CHN2: variants seen among roughly 807,000 people sequenced by gnomAD.
The protein encoded by CHN2 is beta-chimaerin.
In CHN2, 35 loss-of-function variants were observed where a neutral mutation model predicts 56.3. That is an observed-to-expected ratio of 0.62 (90% confidence interval 0.47 to 0.82). The LOEUF (loss-of-function observed/expected upper bound fraction) is 0.82. CHN2 is among the 40% of genes least tolerant of loss of function. The pLI is 0.00. For missense variants in CHN2, 491 were observed against 580.5 expected (o/e 0.85, Z 1.58); for synonymous variants, 210 against 212.8 (o/e 0.99, Z 0.12).
chr7:29,201,919 A>C (rs549083900), intron 1 of CHN2, among the ~76,000 whole-genome samples: 2 of 152,116 alleles, frequency 1.3e-5, no homozygotes, highest in African/African-American at 4.8e-5. Context: ...TTTCTTTATG[A>C]CCCCGAGGGA....
intron 6 of CHN2, among the ~76,000 whole-genome samples, chr7:29,472,277 A>ACACACACACACACACACACGCG (rs1786132467): frequency 7.3e-6 from 1 of 136,528 alleles, no homozygotes; most frequent in Non-Finnish European, 1.5e-5. Flanking sequence ...CAAAATACAC[A>ACACACACACACACACACACGCG]CACACACACA....
intron 6 of CHN2, among the ~76,000 whole-genome samples, chr7:29,472,861 G>C (rs913081268): frequency 6.6e-6 from 1 of 152,226 alleles, no homozygotes; most frequent in Non-Finnish European, 1.5e-5. Context: ...TTGTGTCAGT[G>C]GGCTGTGGGC....
Position 29,252,817 on chromosome 7 carries a change from A to G in CHN2, c.49+57827A>G, listed in dbSNP as rs1043929724. 2.1e-4 allele frequency among the ~76,000 whole-genome samples: 24 copies of G among 115,760 alleles called. 3 individuals carry two copies. The highest frequency in any genetic ancestry group is 1.2e-3 in the African/African-American group (19 of 15,634). The allele number at this position is 115,760 out of a possible 152,430, so 75.9% of individuals were successfully genotyped here. On this transcript the variant is annotated intron_variant, in intron 1 of 12. Coordinates refer to ENST00000222792, the MANE Select transcript of CHN2 (RefSeq NM_004067.4). Reference sequence around the variant, plus strand: ...TCACCTTGTTAGCCAGGATGGTCTCAATCTCCTGACCTCATGATCCACCCG... The same window carrying G: ...TCACCTTGTTAGCCAGGATGGTCTCGATCTCCTGACCTCATGATCCACCCG...
At chr7:29,200,384 C>G (rs1013807815) in intron 1 of CHN2, among the ~76,000 whole-genome samples, 7 of 144,264 alleles carry the variant, frequency 4.9e-5, no homozygotes, top group Admixed American at 2.8e-4. Context: ...CTCCCTCCCT[C>G]TATCCACCTT....
intron 1 of CHN2, among the ~76,000 whole-genome samples, chr7:29,275,865 G>A (rs1482897826): frequency 6.6e-6 from 1 of 152,164 alleles, no homozygotes; most frequent in African/African-American, 2.4e-5. Flanking sequence ...TTTGAGTTCA[G>A]CAGGTTGCAA....
intron 1 of CHN2, among the ~76,000 whole-genome samples, chr7:29,198,749 T>A (rs1348447981): frequency 2.0e-5 from 3 of 152,178 alleles, no homozygotes; most frequent in Admixed American, 2.0e-4. Context: ...GCTTGTATAA[T>A]TAAAATAAGA....
chr7:29,305,772 C>T lies in CHN2; in HGVS notation c.50-48853C>T, dbSNP rs376036083. Among the ~76,000 whole-genome samples, 55 of 121,742 alleles carry T rather than the reference C, an allele frequency of 4.5e-4. No individual in the cohort carries two copies. In the South Asian group the frequency reaches 0.014, roughly 32 times the overall value. 79.9% of individuals were successfully genotyped at this position (121,742 alleles called of 152,430 possible). On this transcript the variant is annotated intron_variant, in intron 1 of 12. Coordinates refer to ENST00000222792, the MANE Select transcript of CHN2 (RefSeq NM_004067.4). Reference sequence around the variant, plus strand: ...TCATATGTAAATCTTTCTTCCCTCTCCTCCCTTCTCCTCCCCTCCATCCTC... The same window carrying T: ...TCATATGTAAATCTTTCTTCCCTCTTCTCCCTTCTCCTCCCCTCCATCCTC...
chr7:29,232,016 T>C (rs1786754722), intron 1 of CHN2, among the ~76,000 whole-genome samples: 1 of 152,176 alleles, frequency 6.6e-6, no homozygotes, highest in Admixed American at 6.5e-5. Flanking sequence ...TTCCCTCCAG[T>C]GTCTTTGTTT....
chr7:29,495,865 C>A, intron 7 of CHN2, 87 bp from the exon 8 acceptor site: 1 of 1,076,972 alleles, frequency 9.3e-7, no homozygotes, highest in South Asian at 1.3e-5. Context: ...GGGGATCGCT[C>A]CTGCTGATCT....
At chr7:29,291,349 C>G (rs2128869392) in intron 1 of CHN2, among the ~76,000 whole-genome samples, 1 of 152,206 alleles carries the variant, frequency 6.6e-6, no homozygotes, top group Middle Eastern at 3.4e-3. Context: ...AACTGCCTGA[C>G]CATCACCTGA....
At chr7:29,245,482 G>A (rs960148652) in intron 1 of CHN2, among the ~76,000 whole-genome samples, 1 of 152,142 alleles carries the variant, frequency 6.6e-6, no homozygotes, top group Non-Finnish European at 1.5e-5. Context: ...GAAATAGTCT[G>A]TTTTCAAGGA....
chr7:29,377,558 A>T (rs1045661618), intron 3 of CHN2, among the ~76,000 whole-genome samples: 1 of 152,158 alleles, frequency 6.6e-6, no homozygotes, highest in African/African-American at 2.4e-5. Context: ...TAGTTTCTTC[A>T]CTCAGTCCAT....
intron 1 of CHN2, among the ~76,000 whole-genome samples, chr7:29,271,948 C>T (rs1371871422): frequency 2.0e-5 from 3 of 152,124 alleles, no homozygotes; most frequent in Non-Finnish European, 4.4e-5. Flanking sequence ...TAGATGAAAT[C>T]CACACAGTAG....
At chr7:29,146,685 C>A (rs1792739112) in exon 1 of CHN2, 1 of 1,550,660 alleles carries the variant, frequency 6.4e-7, no homozygotes, top group African/African-American at 1.4e-5. Context: ...CTGGAAGAAG[C>A]AAGCAGCCCC....
rs1296850333 is a variant in CHN2 at position 29,487,725 on chromosome 7, A to G, written c.654+7369A>G. On this transcript the variant is annotated intron_variant, in intron 7 of 12. Transcript: ENST00000222792. ...CCCTCCCTCCTTCCTTTCCCTCCCT[A>G]CTTTCATTATCTCTTCCTTCCTCTG... Among the ~76,000 whole-genome samples, 5 of 143,402 alleles carry G rather than the reference A, an allele frequency of 3.5e-5. No homozygotes were observed. The Admixed American group carries it at 3.5e-4, about 10-fold the overall frequency. 94.1% of individuals were successfully genotyped at this position (143,402 alleles called of 152,430 possible). A position where few individuals can be genotyped will look rare whatever the true frequency, so the allele number is the denominator to read the frequency against.
rs555263823 is a variant in CHN2 at position 29,189,668 on chromosome 7, T to C, written c.274+42708T>C. On this transcript the variant is annotated intron_variant, in intron 2 of 6. Transcript: ENST00000439384. ...TTTCTCTTCAAACAGAAAGAAAAAC[T>C]CTCTCTCTCTCGGCCCCCCACCCCC... Among the ~76,000 whole-genome samples the C allele has an allele frequency of 9.9e-5, 15 of 151,734 alleles. No individual in the cohort carries two copies. In the South Asian group the frequency reaches 1.5e-3, roughly 15 times the overall value.
intron 3 of CHN2, among the ~76,000 whole-genome samples, chr7:29,392,106 G>T (rs1209378782): frequency 1.3e-5 from 2 of 152,194 alleles, no homozygotes; most frequent in Non-Finnish European, 2.9e-5. Context: ...CATATGTAGA[G>T]AATCACTTCA....
At chr7:29,434,418 G>A (rs538729461) in intron 6 of CHN2, among the ~76,000 whole-genome samples, 1 of 151,390 alleles carries the variant, frequency 6.6e-6, no homozygotes, top group African/African-American at 2.4e-5. Flanking sequence ...TGGTAAGTCA[G>A]AAGTCAAGGT....
At chr7:29,181,768 A>G (rs1365683492) in intron 2 of CHN2, among the ~76,000 whole-genome samples, 1 of 152,234 alleles carries the variant, frequency 6.6e-6, no homozygotes, top group Non-Finnish European at 1.5e-5. Context: ...ACTTTTTTAT[A>G]TAGGTCCTAA....
Sources: allele counts gnomAD v4.1 joint callset (sites outside exome capture counted in the v4.1 genomes callset), GRCh38; gene constraint gnomAD v4.1.1; transcripts MANE v1.5; gene names NCBI Gene and HGNC (gene_info 2026-07-23, HGNC 2026-07-21).